The following GULP1 variants were observed in gnomAD, a reference collection of about 807,000 sequenced individuals.
GULP1 encodes the protein PTB domain-containing engulfment adapter protein 1.
GULP1 carries 19 observed loss-of-function variants against 40.9 expected under a neutral mutation model. The ratio of observed to expected loss-of-function variants is 0.46; its 90% CI spans 0.32 to 0.68. The LOEUF is 0.68. GULP1 is among the 30% of genes least tolerant of loss of function. The probability of loss-of-function intolerance (pLI) is 0.03; values close to 1 mark genes in which losing one functional copy is unlikely to be tolerated. For synonymous variants in GULP1, 119 were observed against 117.6 expected, an observed-to-expected ratio of 1.01 and a Z score of -0.08; for missense variants, 312 against 362.2, an observed-to-expected ratio of 0.86 and a Z score of 1.12.
chr2:188,573,196 C>T (rs1019688158), intron 9 of GULP1, among the ~76,000 whole-genome samples: 14 of 152,012 alleles, frequency 9.2e-5, no homozygotes, highest in Non-Finnish European at 1.6e-4. Flanking sequence ...AATGTGTTTC[C>T]TATTAAAAAA....
At chr2:188,474,689 C>T (rs2060862952) in intron 2 of GULP1, among the ~76,000 whole-genome samples, 1 of 152,120 alleles carries the variant, frequency 6.6e-6, no homozygotes. Context: ...TGTGAGTGCT[C>T]ATCTGATGTT....
At chr2:188,483,361 T>C in intron 3 of GULP1, 70 bp from the exon 4 acceptor site, 1 of 711,818 alleles carries the variant, frequency 1.4e-6, no homozygotes, top group South Asian at 1.9e-5. Context: ...TAAATTACCA[T>C]ACAAATGGTA....
chr2:188,313,251 G>T (rs984673450), intron 1 of GULP1, among the ~76,000 whole-genome samples: 2 of 151,976 alleles, frequency 1.3e-5, no homozygotes, highest in African/African-American at 4.8e-5. Context: ...TTATGGTTTT[G>T]GGTTTTACAT....
intron 2 of GULP1, among the ~76,000 whole-genome samples, chr2:188,386,373 G>A (rs1366517768): frequency 6.6e-6 from 1 of 152,066 alleles, no homozygotes; most frequent in Non-Finnish European, 1.5e-5. Context: ...ATGATGTGTG[G>A]GAATTGTGGG....
chr2:188,535,900 A>G (rs528492384), intron 6 of GULP1, among the ~76,000 whole-genome samples: 1 of 152,082 alleles, frequency 6.6e-6, no homozygotes, highest in South Asian at 2.1e-4. Flanking sequence ...GATTGGTGTG[A>G]GATCATATCT....
At chr2:188,539,395 C>CAA (rs201514814) in intron 6 of GULP1, among the ~76,000 whole-genome samples, 3 of 148,840 alleles carry the variant, frequency 2.0e-5, no homozygotes, top group Admixed American at 6.7e-5. Context: ...GTCATTAAAA[C>CAA]AAAAAAAAAT....
At chr2:188,430,855 A>G (rs1242563394) in intron 2 of GULP1, among the ~76,000 whole-genome samples, 1 of 152,208 alleles carries the variant, frequency 6.6e-6, no homozygotes, top group Non-Finnish European at 1.5e-5. Context: ...GTAGATTATA[A>G]GACTCCCATA....
chr2:188,412,883 T>C (rs1215639766), intron 2 of GULP1, among the ~76,000 whole-genome samples: 1 of 152,214 alleles, frequency 6.6e-6, no homozygotes, highest in Non-Finnish European at 1.5e-5. Context: ...GGTACTGATA[T>C]AATTTGTACT....
intron 1 of GULP1, among the ~76,000 whole-genome samples, chr2:188,365,899 G>A (rs1260844515): frequency 6.6e-6 from 1 of 152,196 alleles, no homozygotes; most frequent in Non-Finnish European, 1.5e-5. Flanking sequence ...GAGCTAAAGG[G>A]ATGCCATCTG....
intron 5 of GULP1, among the ~76,000 whole-genome samples, chr2:188,528,444 A>G (rs1477252809): frequency 6.6e-6 from 1 of 152,028 alleles, no homozygotes; most frequent in African/African-American, 2.4e-5. Flanking sequence ...TCGAACAAGC[A>G]TTTACATACA....
At chr2:188,455,589 A>G (rs1335144576) in intron 2 of GULP1, among the ~76,000 whole-genome samples, 1 of 152,222 alleles carries the variant, frequency 6.6e-6, no homozygotes, top group African/African-American at 2.4e-5. Flanking sequence ...CTGTGAGTCC[A>G]GTTAAACCTC....
intron 4 of GULP1, among the ~76,000 whole-genome samples, chr2:188,490,960 T>C (rs6434284): frequency 0.97 from 148,198 of 152,032 alleles, 72,356 homozygotes; most frequent in East Asian, 1. Context: ...TGCACCACCA[T>C]GCCTGGCTAA....
chr2:188,541,461 T>C, intron 7 of GULP1, 143 bp downstream of exon 7: 1 of 752,312 alleles, frequency 1.3e-6, no homozygotes, highest in South Asian at 1.4e-5. Context: ...TTAGCTGTAC[T>C]AATAGATTTA....
At chr2:188,330,980 C>G (rs993408913) in intron 1 of GULP1, among the ~76,000 whole-genome samples, 3 of 152,154 alleles carry the variant, frequency 2.0e-5, no homozygotes, top group Non-Finnish European at 2.9e-5. Context: ...GTTAAATGGT[C>G]TTAATCTTGT....
chr2:188,333,134 A>G (rs957215321), intron 1 of GULP1, among the ~76,000 whole-genome samples: 3 of 151,976 alleles, frequency 2.0e-5, no homozygotes, highest in Non-Finnish European at 4.4e-5. Flanking sequence ...AGCCCCAGCT[A>G]TTAGGGAGGC....
chr2:188,420,224 C>T (rs1252145215), intron 2 of GULP1, among the ~76,000 whole-genome samples: 2 of 152,016 alleles, frequency 1.3e-5, no homozygotes, highest in African/African-American at 4.8e-5. Flanking sequence ...GCAAAAACTA[C>T]TATTGGGATT....
intron 2 of GULP1, 100 bp downstream of exon 2, chr2:188,383,989 T>C (rs538893915): frequency 6.6e-5 from 10 of 152,192 alleles, no homozygotes; most frequent in Non-Finnish European, 1.3e-4. Context: ...AAAAATATAG[T>C]CTTTTGTTGT....
At chr2:188,414,549 G>A (rs938531072) in intron 2 of GULP1, among the ~76,000 whole-genome samples, 5 of 152,154 alleles carry the variant, frequency 3.3e-5, no homozygotes. Flanking sequence ...ATTGAGTAAA[G>A]GATTTGAAAT....
intron 5 of GULP1, among the ~76,000 whole-genome samples, chr2:188,526,923 G>A (rs1686312281): frequency 6.6e-6 from 1 of 152,148 alleles, no homozygotes; most frequent in Non-Finnish European, 1.5e-5. Context: ...TAGATTGCAT[G>A]AACCTGAAGC....
Sources: gnomAD v4.1 joint callset for allele counts (sites outside exome capture counted in the v4.1 genomes callset) on GRCh38, gnomAD v4.1.1 for gene constraint, MANE v1.5 for transcripts, NCBI Gene and HGNC (gene_info 2026-07-23, HGNC 2026-07-21) for gene names.